Variants in TENM2 observed in about 807,000 individuals in gnomAD.
TENM2 encodes teneurin-2.
TENM2 carries 52 observed loss-of-function variants against 245.2 expected under a neutral mutation model. The observed-to-expected ratio is 0.21, with a 90% CI of 0.17 to 0.27. The LOEUF is 0.27. Among genes scored for constraint, TENM2 ranks in the 10% least tolerant of loss-of-function variants. The pLI, the probability that TENM2 is intolerant of heterozygous loss-of-function variation, is 1.00. For missense variants in TENM2, 3,046 were observed against 3,666.8 expected, an observed-to-expected ratio of 0.83 and a Z score of 4.37; for synonymous variants, 1,363 against 1,438.9, an observed-to-expected ratio of 0.95 and a Z score of 1.19.
chr5:167,292,937 T>C (rs934964052), intron 1 of TENM2, among the ~76,000 whole-genome samples: 2 of 152,176 alleles, frequency 1.3e-5, no homozygotes, highest in African/African-American at 4.8e-5. Context: ...GCAAGAGTCA[T>C]GGCATGTGCA....
the TENM2 span, among the ~76,000 whole-genome samples, chr5:167,024,017 T>C: frequency 1.3e-5 from 2 of 152,150 alleles, no homozygotes; most frequent in Non-Finnish European, 2.9e-5. Flanking sequence ...GATCGAGAGA[T>C]TTTTTAAAAA....
intron 2 of TENM2, among the ~76,000 whole-genome samples, chr5:167,633,863 G>A (rs1192126603): frequency 2.6e-5 from 4 of 152,130 alleles, no homozygotes; most frequent in Admixed American, 6.5e-5. Context: ...CCTATGTGAA[G>A]GGCAGTATTT....
At chr5:167,952,223 G>A (rs1405338371) in intron 3 of TENM2, among the ~76,000 whole-genome samples, 1 of 152,174 alleles carries the variant, frequency 6.6e-6, no homozygotes, top group Non-Finnish European at 1.5e-5. Flanking sequence ...CAGTATACCA[G>A]TTTACCTGGA....
chr5:167,611,463 A>C (rs1480809945), intron 2 of TENM2, among the ~76,000 whole-genome samples: 2 of 151,918 alleles, frequency 1.3e-5, no homozygotes, highest in African/African-American at 4.8e-5. Context: ...CCCTCCGTGG[A>C]CCCCAACCCT....
At chr5:167,159,387 A>G in the TENM2 span, among the ~76,000 whole-genome samples, 1 of 152,222 alleles carries the variant, frequency 6.6e-6, no homozygotes, top group Non-Finnish European at 1.5e-5. Context: ...CAGGAGGAAT[A>G]AGTTCAAGAG....
At chr5:167,361,937 A>T (rs138597410) in intron 1 of TENM2, among the ~76,000 whole-genome samples, 44 of 152,320 alleles carry the variant, frequency 2.9e-4, no homozygotes, top group African/African-American at 1.1e-3. Flanking sequence ...TGTATATAAC[A>T]AGTGCTGATG....
At chr5:166,998,643 G>T in the TENM2 span, among the ~76,000 whole-genome samples, 1 of 152,174 alleles carries the variant, frequency 6.6e-6, no homozygotes, top group African/African-American at 2.4e-5. Context: ...AGCTGGAGGA[G>T]AAATGTATAG....
intron 9 of TENM2, among the ~76,000 whole-genome samples, chr5:168,101,277 C>A (rs1317486185): frequency 6.6e-6 from 1 of 152,138 alleles, no homozygotes; most frequent in African/African-American, 2.4e-5. Context: ...TATGTGGCTG[C>A]AAATGGGCTG....
intron 17 of TENM2, among the ~76,000 whole-genome samples, chr5:168,201,347 TATATAC>T (rs1264545374): frequency 6.6e-6 from 1 of 151,964 alleles, no homozygotes; most frequent in Non-Finnish European, 1.5e-5. Flanking sequence ...TATGCACATA[TATATAC>T]ATATACATAT....
At chr5:168,080,841 T>G (rs969149063) in intron 7 of TENM2, among the ~76,000 whole-genome samples, 14 of 152,344 alleles carry the variant, frequency 9.2e-5, no homozygotes, top group Non-Finnish European at 1.2e-4. Context: ...GAGGAGTGCT[T>G]TAATTCCAAC....
chr5:167,811,185 C>G (rs1766610608), intron 2 of TENM2, among the ~76,000 whole-genome samples: 1 of 152,070 alleles, frequency 6.6e-6, no homozygotes, highest in Non-Finnish European at 1.5e-5. Flanking sequence ...GCAAATCCTA[C>G]CTGAAACCTA....
intron 19 of TENM2, among the ~76,000 whole-genome samples, chr5:168,206,407 A>C (rs999281653): frequency 6.6e-6 from 1 of 152,226 alleles, no homozygotes; most frequent in African/African-American, 2.4e-5. Context: ...ACAGAAGGGG[A>C]TGAAACACAG....
chr5:167,353,570 G>T (rs370789075), intron 1 of TENM2, among the ~76,000 whole-genome samples: 3 of 143,764 alleles, frequency 2.1e-5, no homozygotes, highest in East Asian at 4.1e-4. Context: ...TGCAGTGGCG[G>T]GATCTCGGCT....
chr5:167,518,647 T>C (rs990650013), intron 2 of TENM2, among the ~76,000 whole-genome samples: 5 of 152,164 alleles, frequency 3.3e-5, no homozygotes, highest in African/African-American at 7.2e-5. Flanking sequence ...CCTGGCAGTA[T>C]CATTTAATCA....
chr5:167,110,106 G>C, the TENM2 span, among the ~76,000 whole-genome samples: 1 of 152,124 alleles, frequency 6.6e-6, no homozygotes, highest in East Asian at 1.9e-4. Context: ...GTGCAGGGGT[G>C]GGGAGGCCGA....
intron 2 of TENM2, among the ~76,000 whole-genome samples, chr5:167,502,434 T>G (rs1341793520): frequency 6.6e-6 from 1 of 152,136 alleles, no homozygotes; most frequent in Non-Finnish European, 1.5e-5. Context: ...TAGATTACAG[T>G]TTTTCCAATC....
At chr5:167,823,027 G>A (rs1021078693) in intron 2 of TENM2, among the ~76,000 whole-genome samples, 11 of 152,150 alleles carry the variant, frequency 7.2e-5, no homozygotes, top group African/African-American at 9.7e-5. Context: ...AAATGTATCC[G>A]TTTGATAAAG....
At chr5:167,280,894 C>T (rs1480449075), upstream of TENM2, among the ~76,000 whole-genome samples, 1 of 151,512 alleles carries the variant, frequency 6.6e-6, no homozygotes, top group Non-Finnish European at 1.5e-5. Flanking sequence ...GTCCTGAGGC[C>T]CCTCATTGTT....
At chr5:168,212,088 C>G (rs868172809) in intron 20 of TENM2, among the ~76,000 whole-genome samples, 14 of 151,936 alleles carry the variant, frequency 9.2e-5, no homozygotes, top group African/African-American at 3.4e-4. Flanking sequence ...TTTGTAAATG[C>G]TGGACTGGGT....
Sources: gnomAD v4.1 joint callset for allele counts (sites outside exome capture counted in the v4.1 genomes callset) on GRCh38, gnomAD v4.1.1 for gene constraint, MANE v1.5 for transcripts, NCBI Gene and HGNC (gene_info 2026-07-23, HGNC 2026-07-21) for gene names.